The following DPYSL3 variants were observed in gnomAD, a reference collection of about 807,000 sequenced individuals.
The protein encoded by DPYSL3 is dihydropyrimidinase like 3.
DPYSL3 carries 16 observed loss-of-function variants against 66.1 expected under a neutral mutation model. The observed-to-expected ratio is 0.24, with a 90% CI of 0.16 to 0.37. DPYSL3 has a LOEUF of 0.37. DPYSL3 is among the 10% of genes least tolerant of loss of function. The pLI, the probability that DPYSL3 is intolerant of heterozygous loss-of-function variation, is 1.00. For missense variants in DPYSL3, 738 were observed against 916.2 expected (o/e 0.81, Z 2.51); for synonymous variants, 338 against 345.1 (o/e 0.98, Z 0.23).
chr5:147,489,021 A>G (rs1467649463), intron 1 of DPYSL3, among the ~76,000 whole-genome samples: 1 of 151,970 alleles, frequency 6.6e-6, no homozygotes, highest in African/African-American at 2.4e-5. Flanking sequence ...ATCTAAAAAA[A>G]AAAAAAGAAA....
rs1757778822 is a variant in DPYSL3, at chr5:147,390,879, G to A, written c.*3156C>T. ...CACGTGATGAACTTTTTTCTTTAAT[G>A]TCAGCTAAACTCAAAACACAGTTTT... On this transcript the variant is annotated 3_prime_UTR_variant, in exon 14 of 14. Coordinates refer to ENST00000343218, the MANE Select transcript of DPYSL3 (RefSeq NM_001197294.2). The A allele has an allele frequency of 6.6e-6, 1 of 152,564 alleles. No individual in the cohort carries two copies. The highest frequency in any genetic ancestry group is 2.4e-5 in the African/African-American group (1 of 41,418). 9.5% of individuals were successfully genotyped at this position (152,564 alleles called of 1,614,324 possible).
chr5:147,417,572 A>T (rs1751994195), intron 3 of DPYSL3, among the ~76,000 whole-genome samples: 1 of 152,154 alleles, frequency 6.6e-6, no homozygotes, highest in East Asian at 1.9e-4. Context: ...GGGGATGTAT[A>T]TGGTGTTAAA....
chr5:147,458,666 A>C (rs1386201143), intron 1 of DPYSL3, among the ~76,000 whole-genome samples: 1 of 152,192 alleles, frequency 6.6e-6, no homozygotes, highest in East Asian at 1.9e-4. Context: ...GTGACCATAA[A>C]TTTAAAGAGA....
chr5:147,463,434 G>A (rs947571508), intron 1 of DPYSL3, among the ~76,000 whole-genome samples: 2 of 152,144 alleles, frequency 1.3e-5, no homozygotes, highest in African/African-American at 2.4e-5. Flanking sequence ...ACTTGGACCC[G>A]GAAGGGGAAA....
intron 1 of DPYSL3, among the ~76,000 whole-genome samples, chr5:147,450,449 T>G (rs756467378): frequency 6.6e-6 from 1 of 152,140 alleles, no homozygotes; most frequent in Non-Finnish European, 1.5e-5. Context: ...CCCCCAAAAC[T>G]GCCAGTCTCT....
chr5:147,456,579 C>CTTT (rs1296543371), intron 1 of DPYSL3, among the ~76,000 whole-genome samples: 3 of 124,050 alleles, frequency 2.4e-5, no homozygotes, highest in East Asian at 5.6e-4. Context: ...GCTACTGATT[C>CTTT]TATTTTTTTT....
intron 8 of DPYSL3, among the ~76,000 whole-genome samples, chr5:147,403,654 G>T (rs775639723): frequency 6.6e-5 from 10 of 152,124 alleles, no homozygotes; most frequent in Non-Finnish European, 1.0e-4. Context: ...TAGTTAAAGA[G>T]CCCTGATGAT....
chr5:147,430,232 A>G (rs1014984787), intron 1 of DPYSL3, among the ~76,000 whole-genome samples: 1 of 152,182 alleles, frequency 6.6e-6, no homozygotes, highest in Non-Finnish European at 1.5e-5. Context: ...GTGGCGGCTC[A>G]CGCCTGTAAT....
intron 8 of DPYSL3, 121 bp from the exon 9 acceptor site, chr5:147,401,817 G>T: frequency 8.2e-7 from 1 of 1,222,898 alleles, no homozygotes; most frequent in Non-Finnish European, 1.1e-6. Context: ...ACTGACCTGG[G>T]TTCAAGTCCA....
chr5:147,413,860 T>C (rs576983188), intron 4 of DPYSL3, among the ~76,000 whole-genome samples: 78 of 152,318 alleles, frequency 5.1e-4, no homozygotes, highest in Non-Finnish European at 9.8e-4. Context: ...TCCTAACAGA[T>C]GTCATAGCAG....
chr5:147,481,785 G>A (rs1753248807), intron 1 of DPYSL3, among the ~76,000 whole-genome samples: 1 of 152,058 alleles, frequency 6.6e-6, no homozygotes, highest in Non-Finnish European at 1.5e-5. Flanking sequence ...TGGCACAAAG[G>A]GCCTTGCTAG....
At chr5:147,424,113 T>G (rs997498255) in intron 2 of DPYSL3, among the ~76,000 whole-genome samples, 1 of 152,178 alleles carries the variant, frequency 6.6e-6, no homozygotes, top group African/African-American at 2.4e-5. Flanking sequence ...GAAAACTATA[T>G]GTAAGCCAAT....
At chr5:147,491,422 A>G (rs748718835) in intron 1 of DPYSL3, among the ~76,000 whole-genome samples, 25 of 152,228 alleles carry the variant, frequency 1.6e-4, no homozygotes, top group Non-Finnish European at 3.5e-4. Context: ...CAGAAAACCG[A>G]GTGTGAAGAG....
intron 1 of DPYSL3, among the ~76,000 whole-genome samples, chr5:147,468,545 C>T (rs1753041479): frequency 6.6e-6 from 1 of 152,100 alleles, no homozygotes; most frequent in Non-Finnish European, 1.5e-5. Context: ...TATTGAAGGC[C>T]TATTTTAACA....
intron 2 of DPYSL3, among the ~76,000 whole-genome samples, chr5:147,420,783 A>G (rs1451956472): frequency 1.3e-5 from 2 of 152,218 alleles, no homozygotes; most frequent in African/African-American, 4.8e-5. Flanking sequence ...TCCTCCTACA[A>G]CATCCTTGGC....
intron 1 of DPYSL3, among the ~76,000 whole-genome samples, chr5:147,494,691 C>T (rs1746874660): frequency 5.5e-5 from 8 of 144,794 alleles, no homozygotes; most frequent in Admixed American, 4.9e-4. Context: ...TGGTGAAACC[C>T]CGTCTCTACG....
intron 1 of DPYSL3, among the ~76,000 whole-genome samples, chr5:147,496,860 G>A (rs890304396): frequency 7.9e-5 from 12 of 151,864 alleles, no homozygotes; most frequent in African/African-American, 2.7e-4. Flanking sequence ...CAGGGATCTA[G>A]AACTAGAAAT....
intron 1 of DPYSL3, among the ~76,000 whole-genome samples, chr5:147,449,670 C>T (rs1363477602): frequency 1.3e-5 from 2 of 152,328 alleles, no homozygotes; most frequent in East Asian, 3.9e-4. Context: ...CTCTAAATAA[C>T]TGACTTCACC....
At chr5:147,502,160 A>C (rs1753620999) in intron 1 of DPYSL3, among the ~76,000 whole-genome samples, 1 of 152,050 alleles carries the variant, frequency 6.6e-6, no homozygotes, top group African/African-American at 2.4e-5. Context: ...GCAAAGAGCA[A>C]AGCAGCTCTC....
Sources: gnomAD v4.1 joint callset for allele counts (sites outside exome capture counted in the v4.1 genomes callset) on GRCh38, gnomAD v4.1.1 for gene constraint, MANE v1.5 for transcripts, NCBI Gene and HGNC (gene_info 2026-07-23, HGNC 2026-07-21) for gene names.